Variants in PIWIL2 observed in about 807,000 individuals in gnomAD.
The protein encoded by PIWIL2 is piwi like RNA-mediated gene silencing 2, also known as piwi-like protein 2.
Under a neutral mutation model 116.5 loss-of-function variants are expected in PIWIL2, and 81 were observed. That is an observed-to-expected ratio of 0.70 (90% confidence interval 0.58 to 0.84). The LOEUF (loss-of-function observed/expected upper bound fraction) is 0.84, where lower values mean the gene tolerates loss of function less well. Among genes scored for constraint, PIWIL2 ranks in the 40% least tolerant of loss-of-function variants. PIWIL2 has a pLI of 0.00. For synonymous variants in PIWIL2, 489 were observed against 429.5 expected, an observed-to-expected ratio of 1.14 and a Z score of -1.71; for missense variants, 1,272 against 1,212.3, an observed-to-expected ratio of 1.05 and a Z score of -0.73.
In PIWIL2 at chr8:22,310,071, G is replaced by A. The variant is rs1831290751; in HGVS notation, c.1797G>A (p.Leu599=). Residue 599 remains leucine (L), a synonymous_variant, in exon 15 of 23, where the codon TTG becomes TTA. Coordinates refer to ENST00000356766, the MANE Select transcript of PIWIL2 (RefSeq NM_018068.5). ...VKEVTRDPSI[L]TIPMHFWALF... ...AAGTAACCAGAGACCCTTCCATCTTGACTGTAAGTGATTTTTGAAGTGATA... is the reference window on the plus strand; with the variant it reads ...AAGTAACCAGAGACCCTTCCATCTTAACTGTAAGTGATTTTTGAAGTGATA... 1 of 1,515,758 alleles carries A rather than the reference G, an allele frequency of 6.6e-7. No individual in the cohort carries two copies. Among genetic ancestry groups the A allele is most frequent in the Non-Finnish European group, 9.2e-7 (1 of 1,090,914 alleles). The allele number at this position is 1,515,758 out of a possible 1,614,324, so 93.9% of individuals were successfully genotyped here.
chr8:22,301,176 G>A (rs552529295), intron 10 of PIWIL2, among the ~76,000 whole-genome samples: 1 of 151,930 alleles, frequency 6.6e-6, no homozygotes, highest in South Asian at 2.1e-4. Flanking sequence ...TAGAGATAGA[G>A]TTTCACCACG....
chr8:22,307,054 C>G (rs1185720427), intron 13 of PIWIL2, among the ~76,000 whole-genome samples: 1 of 152,196 alleles, frequency 6.6e-6, no homozygotes. Flanking sequence ...AAAAAAGTGA[C>G]TTATGGTAAC....
chr8:22,347,889 CCT>C (rs1832266388), intron 20 of PIWIL2, among the ~76,000 whole-genome samples: 1 of 152,024 alleles, frequency 6.6e-6, no homozygotes, highest in Non-Finnish European at 1.5e-5. Flanking sequence ...CTCTTACACT[CCT>C]CTGTTGCCAT....
chr8:22,298,050 A>T (rs1830953663), intron 10 of PIWIL2, among the ~76,000 whole-genome samples: 1 of 152,174 alleles, frequency 6.6e-6, no homozygotes, highest in Non-Finnish European at 1.5e-5. Context: ...TGAGCCCAAG[A>T]GTTCGAAACC....
intron 20 of PIWIL2, among the ~76,000 whole-genome samples, chr8:22,327,158 G>C (rs1002699879): frequency 6.7e-6 from 1 of 149,896 alleles, no homozygotes; most frequent in African/African-American, 2.5e-5. Flanking sequence ...GTCCTGAGTA[G>C]CTGGGGATTC....
intron 8 of PIWIL2, among the ~76,000 whole-genome samples, chr8:22,289,142 T>G (rs1830697315): frequency 6.6e-6 from 1 of 150,766 alleles, no homozygotes; most frequent in Non-Finnish European, 1.5e-5. Flanking sequence ...TTTCTTTTCT[T>G]TTCTTTTTTC....
intron 5 of PIWIL2, 147 bp downstream of exon 5, chr8:22,283,387 A>T (rs927514092): frequency 6.2e-6 from 4 of 640,954 alleles, no homozygotes; most frequent in Non-Finnish European, 8.3e-6. Flanking sequence ...CCAGTGGGAG[A>T]TTGACAAAGA....
At chr8:22,340,045 AT>A (rs10626386) in intron 20 of PIWIL2, among the ~76,000 whole-genome samples, 1,551 of 93,712 alleles carry the variant, frequency 0.017, 8 homozygotes, top group African/African-American at 0.047. Context: ...TATAAAAAGA[AT>A]TTTTTTTTTT....
chr8:22,278,758 G>A (rs1332044709), intron 1 of PIWIL2, among the ~76,000 whole-genome samples: 1 of 152,218 alleles, frequency 6.6e-6, no homozygotes, highest in Non-Finnish European at 1.5e-5. Context: ...CCCATGGCTT[G>A]TAGTATCACC....
chr8:22,334,436 C>T (rs575375995), intron 20 of PIWIL2, among the ~76,000 whole-genome samples: 2 of 150,438 alleles, frequency 1.3e-5, no homozygotes, highest in African/African-American at 2.5e-5. Context: ...GCAGGAGAAT[C>T]GCTTGAACCT....
chr8:22,317,883 G>A (rs542008426), intron 19 of PIWIL2, among the ~76,000 whole-genome samples: 9 of 152,104 alleles, frequency 5.9e-5, no homozygotes, highest in South Asian at 2.1e-4. Context: ...GGATGGTCTC[G>A]ATCTCCTGAC....
chr8:22,283,306 T>G (rs1470845953), intron 5 of PIWIL2, 66 bp downstream of exon 5: 1 of 1,267,248 alleles, frequency 7.9e-7, no homozygotes, highest in Non-Finnish European at 1.1e-6. Flanking sequence ...TTGGCTCGTG[T>G]GTAGTATTGT....
chr8:22,320,327 A>T (rs1303400695), intron 20 of PIWIL2, among the ~76,000 whole-genome samples: 1 of 139,866 alleles, frequency 7.1e-6, no homozygotes, highest in Non-Finnish European at 1.5e-5. Context: ...ACAGTGGCGC[A>T]ATCTCAGCTT....
At chr8:22,343,944 T>G (rs1235257004) in intron 20 of PIWIL2, among the ~76,000 whole-genome samples, 2 of 152,222 alleles carry the variant, frequency 1.3e-5, no homozygotes, top group African/African-American at 4.8e-5. Flanking sequence ...CGTGAATGTT[T>G]GTAGCAACTT....
chr8:22,275,576 C>T (rs1055343857), intron 1 of PIWIL2, 178 bp downstream of exon 1: 1 of 152,418 alleles, frequency 6.6e-6, no homozygotes, highest in Admixed American at 6.5e-5. Context: ...TATTCGAGGC[C>T]CGGCGCCGCG....
At chr8:22,320,063 A>C (rs1185927831) in intron 20 of PIWIL2, among the ~76,000 whole-genome samples, 1 of 151,690 alleles carries the variant, frequency 6.6e-6, no homozygotes, top group Non-Finnish European at 1.5e-5. Context: ...CCCAGGCTCA[A>C]GCGATTCTCC....
At chr8:22,313,663 A>G (rs1831385964) in intron 16 of PIWIL2, among the ~76,000 whole-genome samples, 1 of 152,220 alleles carries the variant, frequency 6.6e-6, no homozygotes, top group South Asian at 2.1e-4. Context: ...TTTCTGGCTT[A>G]AAGGGTTGGC....
At chr8:22,285,637 A>G (rs1830612405) in intron 6 of PIWIL2, among the ~76,000 whole-genome samples, 1 of 151,530 alleles carries the variant, frequency 6.6e-6, no homozygotes, top group Admixed American at 6.6e-5. Flanking sequence ...AAACTTCCAT[A>G]CTATTTCTTT....
chr8:22,306,534 A>G (rs999388630), intron 13 of PIWIL2, among the ~76,000 whole-genome samples: 2 of 152,108 alleles, frequency 1.3e-5, no homozygotes, highest in Non-Finnish European at 2.9e-5. Context: ...AGTAGCACAG[A>G]TGGGTACAGC....
Sources: gnomAD v4.1 joint callset for allele counts (sites outside exome capture counted in the v4.1 genomes callset) on GRCh38, gnomAD v4.1.1 for gene constraint, MANE v1.5 for transcripts, NCBI Gene and HGNC (gene_info 2026-07-23, HGNC 2026-07-21) for gene names.